The following THRB variants were observed in gnomAD, a reference collection of about 807,000 sequenced individuals.
The protein encoded by THRB is nuclear receptor subfamily 1 group A member 2.
THRB carries 12 observed loss-of-function variants against 47.8 expected under a neutral mutation model. The observed-to-expected ratio is 0.25, with a 90% CI of 0.16 to 0.41. The LOEUF (loss-of-function observed/expected upper bound fraction) is 0.41, where lower values mean the gene tolerates loss of function less well. Among genes scored for constraint, THRB ranks in the 10% least tolerant of loss-of-function variants. The probability of loss-of-function intolerance (pLI) is 1.00; values close to 1 mark genes in which losing one functional copy is unlikely to be tolerated. For missense variants in THRB, 348 were observed against 589.2 expected, an observed-to-expected ratio of 0.59 and a Z score of 4.24; for synonymous variants, 218 against 212.2, an observed-to-expected ratio of 1.03 and a Z score of -0.24.
At chr3:24,271,555 A>T (rs1559789368) in intron 3 of THRB, among the ~76,000 whole-genome samples, 3 of 151,542 alleles carry the variant, frequency 2.0e-5, no homozygotes, top group African/African-American at 7.3e-5. Flanking sequence ...TTCTATTATT[A>T]TTTTTTTTCC....
At chr3:24,394,832 C>T (rs2066835345) in intron 1 of THRB, among the ~76,000 whole-genome samples, 1 of 152,062 alleles carries the variant, frequency 6.6e-6, no homozygotes, top group Non-Finnish European at 1.5e-5. Context: ...TAAGTGTCCC[C>T]CTGCAAGCAG....
intron 3 of THRB, among the ~76,000 whole-genome samples, chr3:24,293,278 G>A (rs1038000256): frequency 2.6e-5 from 4 of 152,142 alleles, no homozygotes; most frequent in Non-Finnish European, 5.9e-5. Flanking sequence ...ACCCATCCCA[G>A]TATCATTCAA....
chr3:24,483,148 CT>C (rs1258414584), intron 1 of THRB, among the ~76,000 whole-genome samples: 1 of 152,028 alleles, frequency 6.6e-6, no homozygotes, highest in Admixed American at 6.6e-5. Flanking sequence ...GTTCTTTTTA[CT>C]TACCTCACTT....
At chr3:24,292,168 T>C (rs1012794713) in intron 3 of THRB, among the ~76,000 whole-genome samples, 1 of 152,212 alleles carries the variant, frequency 6.6e-6, no homozygotes, top group Non-Finnish European at 1.5e-5. Context: ...GTTTGTACTA[T>C]GTCTGCAATA....
At chr3:24,285,176 C>A (rs978149324) in intron 3 of THRB, among the ~76,000 whole-genome samples, 6 of 149,674 alleles carry the variant, frequency 4.0e-5, no homozygotes, top group Admixed American at 2.0e-4. Context: ...AGACTTGGAA[C>A]CAACCCAAAT....
intron 1 of THRB, among the ~76,000 whole-genome samples, chr3:24,452,462 G>A (rs1013498347): frequency 2.0e-5 from 3 of 152,070 alleles, no homozygotes; most frequent in Admixed American, 1.3e-4. Flanking sequence ...TTGAGAAGGG[G>A]AGAAGTGTCC....
chr3:24,442,515 G>A (rs6782825), intron 1 of THRB, among the ~76,000 whole-genome samples: 89,903 of 152,032 alleles, frequency 0.59, 27,176 homozygotes, highest in Non-Finnish European at 0.62. Flanking sequence ...GAGGTGGCAG[G>A]GTCAAAAATA....
chr3:24,418,137 C>T lies in THRB; in HGVS notation c.-261+76515G>A, dbSNP rs1436414306. ...CCAGAAGATGACCCTTGCTTAAAGT[C>T]GATTCTACCTTTCAACCTTTCAGCT... is the stretch of plus-strand genomic sequence containing the variant. On this transcript the variant is annotated intron_variant, in intron 1 of 10. Coordinates refer to ENST00000646209, the MANE Select transcript of THRB (RefSeq NM_001354712.2). Among the ~76,000 whole-genome samples the T allele has an allele frequency of 2.0e-5, 3 of 151,556 alleles. No homozygotes were observed. The East Asian group carries it at 5.9e-4, about 30-fold the overall frequency.
At chr3:24,280,638 C>A (rs539292470) in intron 3 of THRB, among the ~76,000 whole-genome samples, 1 of 152,028 alleles carries the variant, frequency 6.6e-6, no homozygotes, top group African/African-American at 2.4e-5. Flanking sequence ...CAAATTACTC[C>A]AAGCTATGGG....
intron 3 of THRB, among the ~76,000 whole-genome samples, chr3:24,231,283 TATG>T (rs2048237407): frequency 1.3e-5 from 2 of 152,210 alleles, no homozygotes; most frequent in Admixed American, 6.5e-5. Flanking sequence ...GTTATGTCCT[TATG>T]ATATTATCAG....
intron 5 of THRB, among the ~76,000 whole-genome samples, chr3:24,185,493 G>A (rs73138659): frequency 0.021 from 3,245 of 152,254 alleles, 75 homozygotes; most frequent in African/African-American, 0.054. Context: ...ATGAGAGGAA[G>A]TAACTTGTTC....
chr3:24,217,706 T>C (rs941842810), intron 4 of THRB, among the ~76,000 whole-genome samples: 5 of 152,246 alleles, frequency 3.3e-5, no homozygotes, highest in African/African-American at 7.2e-5. Flanking sequence ...TCCTACATGA[T>C]GTGATTGTAT....
At chr3:24,471,353 A>G (rs528622529) in intron 1 of THRB, among the ~76,000 whole-genome samples, 2 of 152,312 alleles carry the variant, frequency 1.3e-5, no homozygotes, top group Admixed American at 1.3e-4. Context: ...AAGTTTGAGA[A>G]CCATTATTTT....
At chr3:24,267,678 A>C (rs2052803907) in intron 3 of THRB, among the ~76,000 whole-genome samples, 1 of 152,192 alleles carries the variant, frequency 6.6e-6, no homozygotes, top group African/African-American at 2.4e-5. Context: ...TCTTCAGAAT[A>C]ATCCCGGTAG....
intron 1 of THRB, among the ~76,000 whole-genome samples, chr3:24,379,075 C>T (rs1421332752): frequency 6.6e-6 from 1 of 152,042 alleles, no homozygotes; most frequent in Non-Finnish European, 1.5e-5. Flanking sequence ...TCGCACAGCC[C>T]TGCCTAATTT....
chr3:24,228,164 C>T (rs2047865057), intron 4 of THRB, among the ~76,000 whole-genome samples: 1 of 152,080 alleles, frequency 6.6e-6, no homozygotes, highest in Non-Finnish European at 1.5e-5. Context: ...ACTTGTTTTT[C>T]CTTTTACCTA....
intron 1 of THRB, among the ~76,000 whole-genome samples, chr3:24,461,237 C>T (rs1309363086): frequency 6.6e-6 from 1 of 152,180 alleles, no homozygotes; most frequent in Non-Finnish European, 1.5e-5. Flanking sequence ...TGTAGTTTGC[C>T]ATTTACTCAC....
chr3:24,256,066 G>A (rs888514296), intron 3 of THRB, among the ~76,000 whole-genome samples: 1 of 152,196 alleles, frequency 6.6e-6, no homozygotes, highest in Admixed American at 6.5e-5. Context: ...GCGAGCTAGT[G>A]AGAGAGTCTG....
chr3:24,171,843 G>T (rs1277184238), intron 5 of THRB, among the ~76,000 whole-genome samples: 2 of 151,990 alleles, frequency 1.3e-5, no homozygotes, highest in South Asian at 4.2e-4. Flanking sequence ...AATTAGCATG[G>T]CTCCTCCTCC....
Sources: allele counts gnomAD v4.1 joint callset (sites outside exome capture counted in the v4.1 genomes callset), GRCh38; gene constraint gnomAD v4.1.1; transcripts MANE v1.5; gene names NCBI Gene and HGNC (gene_info 2026-07-23, HGNC 2026-07-21).